MRE11: variants seen among roughly 807,000 people sequenced by gnomAD.
The protein encoded by MRE11 is MRE11 double strand break repair nuclease.
Under a neutral mutation model 91.7 loss-of-function variants are expected in MRE11, and 62 were observed. The observed-to-expected ratio is 0.68, with a 90% CI of 0.55 to 0.84. The LOEUF (loss-of-function observed/expected upper bound fraction) is 0.84. Among genes scored for constraint, MRE11 ranks in the 40% least tolerant of loss-of-function variants. MRE11 has a pLI of 0.00. For missense variants in MRE11, 796 were observed against 852.9 expected (o/e 0.93, Z 0.83); for synonymous variants, 273 against 271.4 (o/e 1.01, Z -0.06).
the MRE11 span, among the ~76,000 whole-genome samples, chr11:94,507,658 A>AT: frequency 2.5e-4 from 38 of 150,716 alleles, no homozygotes; most frequent in Admixed American, 1.9e-3. Context: ...TTTTCATTTC[A>AT]TTTTTTTTTA....
At chr11:94,464,981 A>C (rs926572183) in intron 10 of MRE11, among the ~76,000 whole-genome samples, 1 of 152,128 alleles carries the variant, frequency 6.6e-6, no homozygotes, top group Non-Finnish European at 1.5e-5. Flanking sequence ...CTATCTGCTA[A>C]GGTTTTTTGT....
At chr11:94,462,233 T>A (rs12292294) in intron 11 of MRE11, among the ~76,000 whole-genome samples, 44,819 of 151,834 alleles carry the variant, frequency 0.3, 6,792 homozygotes, top group Middle Eastern at 0.36. Flanking sequence ...GATATGAAGG[T>A]CCTCTTCAAG....
intron 11 of MRE11, among the ~76,000 whole-genome samples, chr11:94,463,612 T>C (rs1946478785): frequency 6.6e-6 from 1 of 152,266 alleles, no homozygotes; most frequent in African/African-American, 2.4e-5. Context: ...TAAAAAATGA[T>C]GAGTTCATGT....
chr11:94,442,818 G>T (rs1945820792), intron 16 of MRE11, among the ~76,000 whole-genome samples: 1 of 152,148 alleles, frequency 6.6e-6, no homozygotes. Flanking sequence ...TTGAATGCAA[G>T]GTTGAACTCA....
chr11:94,463,783 G>A (rs1376283461), intron 11 of MRE11, among the ~76,000 whole-genome samples: 6 of 151,446 alleles, frequency 4.0e-5, no homozygotes, highest in Non-Finnish European at 8.8e-5. Flanking sequence ...GCCTGTCATG[G>A]GGTTGGGGGA....
At position 94,456,336 on chromosome 11, in the gene MRE11, T is replaced by C. The variant is rs760074649; in HGVS notation, c.1503A>G (p.Val501=). The C allele has an allele frequency of 3.1e-6, 5 of 1,611,812 alleles. No homozygotes were observed. The South Asian group carries it at 5.5e-5, about 18-fold the overall frequency. Reference sequence around the variant, plus strand: ...TTTGTCTGGTTTCTCTGAAACGACGTACCTAGATCATAACAGAGTAAATCA... The same window carrying C: ...TTTGTCTGGTTTCTCTGAAACGACGCACCTAGATCATAACAGAGTAAATCA... ...DALEDKIDEE[V]RRFRETRQKN... is the part of the protein sequence containing the mutation. The change falls in exon 14 of 20, where the codon GTA becomes GTG. Residue 501 remains valine (V), a splice_region_variant and synonymous_variant. Coordinates refer to ENST00000323929, the MANE Select transcript of MRE11 (RefSeq NM_005591.4).
rs1013167690 is a variant in MRE11, at chr11:94,464,044, T to A, written c.1225+69A>T. 6 of 1,513,422 alleles carry A rather than the reference T, an allele frequency of 4.0e-6. No individual in the cohort carries two copies. In the African/African-American group the frequency reaches 8.3e-5, roughly 21 times the overall value. 93.7% of individuals were successfully genotyped at this position (1,513,422 alleles called of 1,614,324 possible). A position where few individuals can be genotyped will look rare whatever the true frequency, so the allele number is the denominator to read the frequency against. ...AACATCTTCCATTATTATGTTACAG[T>A]TTTTAATAAAGATTCCTTCACAAAT... On this transcript the variant is annotated intron_variant, in intron 11 of 19. Transcript: ENST00000323929.
Position 94,479,738 on chromosome 11 carries a change from T to A in MRE11, c.338A>T (p.Asp113Val). Residue 113 changes from aspartate to valine, a missense_variant, in exon 5 of 20, where the codon GAT becomes GTT. Transcript: ENST00000323929. ...TGGAATTGAAATGTTGAGGTTGCCA[T>A]CTTGATAGTTCACCCATGGAAACCT... ...FSKFPWVNYQ[D>V]GNLNISIPVF... is the part of the protein sequence containing the mutation. The A allele has an allele frequency of 1.2e-6, 2 of 1,612,628 alleles. No homozygotes were observed. Among genetic ancestry groups the A allele is most frequent in the African/African-American group, 1.3e-5 (1 of 74,910 alleles).
the MRE11 span, among the ~76,000 whole-genome samples, chr11:94,502,039 C>A: frequency 6.6e-6 from 1 of 152,052 alleles, no homozygotes; most frequent in Admixed American, 6.6e-5. Flanking sequence ...ATGTGGTACA[C>A]CAAACCTCTG....
intron 2 of MRE11, chr11:94,492,566 C>A: frequency 1.3e-6 from 1 of 792,984 alleles, no homozygotes; most frequent in South Asian, 1.6e-5. Flanking sequence ...TATCAAATTA[C>A]TGCAAGACTC....
chr11:94,460,791 T>A, intron 12 of MRE11, 145 bp downstream of exon 12: 1 of 713,514 alleles, frequency 1.4e-6, no homozygotes, highest in Non-Finnish European at 2.4e-6. Flanking sequence ...CAACTGCAAA[T>A]GAATGTAATT....
chr11:94,506,980 A>C, the MRE11 span, among the ~76,000 whole-genome samples: 1 of 152,142 alleles, frequency 6.6e-6, no homozygotes, highest in African/African-American at 2.4e-5. Flanking sequence ...TTTTTTCTAA[A>C]TAAAATATTC....
At chr11:94,487,031 A>C (rs1166917101) in intron 3 of MRE11, among the ~76,000 whole-genome samples, 2 of 152,206 alleles carry the variant, frequency 1.3e-5, no homozygotes, top group Non-Finnish European at 2.9e-5. Flanking sequence ...AATGAACACT[A>C]TTTGAGTAAA....
Position 94,485,608 on chromosome 11 carries a change from AT to A in MRE11, c.314+315del, listed in dbSNP as rs759826711. ...GAGAAGATATTCAGTCCCACCATGTATTTTTTTTTTTTTTTTGAGATGGAGT... is the reference window on the plus strand; with the variant it reads ...GAGAAGATATTCAGTCCCACCATGTATTTTTTTTTTTTTTTGAGATGGAGT... On this transcript the variant is annotated intron_variant, in intron 4 of 19. Coordinates refer to ENST00000323929, the MANE Select transcript of MRE11 (RefSeq NM_005591.4). Among the ~76,000 whole-genome samples, 581 of 140,780 alleles carry A rather than the reference AT, an allele frequency of 4.1e-3. 1 individual carries two copies. Among genetic ancestry groups the A allele is most frequent in the African/African-American group, 8.8e-3 (340 of 38,610 alleles). The allele number at this position is 140,780 out of a possible 152,430, so 92.4% of individuals were successfully genotyped here. A position where few individuals can be genotyped will look rare whatever the true frequency, so the allele number is the denominator to read the frequency against.
At chr11:94,492,597 G>T in intron 2 of MRE11, 185 bp downstream of exon 2, 1 of 1,054,772 alleles carries the variant, frequency 9.5e-7, no homozygotes, top group Non-Finnish European at 1.4e-6. Context: ...CTGCATATTA[G>T]CTTCCAGTTA....
chr11:94,426,969 C>T (rs926213236), intron 19 of MRE11, among the ~76,000 whole-genome samples: 5 of 152,100 alleles, frequency 3.3e-5, no homozygotes, highest in African/African-American at 7.2e-5. Context: ...TTCTATCAGA[C>T]ATACAAAGAA....
chr11:94,427,425 C>T (rs1036569316), intron 19 of MRE11, among the ~76,000 whole-genome samples: 1 of 152,116 alleles, frequency 6.6e-6, no homozygotes, highest in Non-Finnish European at 1.5e-5. Context: ...TGAAAATCCA[C>T]AACCAACATC....
At chr11:94,486,250 T>C (rs1169584483) in intron 3 of MRE11, among the ~76,000 whole-genome samples, 166 bp from the exon 4 acceptor site, 1 of 152,222 alleles carries the variant, frequency 6.6e-6, no homozygotes, top group African/African-American at 2.4e-5. Context: ...TGGTAATTAA[T>C]CTGGTTCTAA....
chr11:94,485,928 T>A lies in MRE11; in HGVS notation c.310A>T (p.Ser104Cys), dbSNP rs748434421. The A allele has an allele frequency of 9.9e-6, 16 of 1,612,514 alleles. No homozygotes were observed. The East Asian group carries it at 3.6e-4, about 36-fold the overall frequency. ...LSDQSVNFGF[S>C]KFPWVNYQDG... ...CAAGTAAATAAATATACTTACTTAC[T>A]AAAACCAAAGTTGACTGACTGATCA... Residue 104 changes from serine to cysteine, a missense_variant, in exon 4 of 20, where the codon AGT becomes TGT. Ser to Cys is a moderately radical substitution (Grantham distance 112). Transcript: ENST00000323929.
Sources: allele counts gnomAD v4.1 joint callset (sites outside exome capture counted in the v4.1 genomes callset), GRCh38; gene constraint gnomAD v4.1.1; transcripts MANE v1.5; gene names NCBI Gene and HGNC (gene_info 2026-07-23, HGNC 2026-07-21).